Variants in TP73 observed in about 807,000 individuals in gnomAD.
TP73 encodes tumor protein p73, also known as p53-like transcription factor.
TP73 carries 25 observed loss-of-function variants against 62.5 expected under a neutral mutation model. That is an observed-to-expected ratio of 0.40 (90% CI 0.29 to 0.56). The LOEUF (loss-of-function observed/expected upper bound fraction) is 0.56, where lower values mean the gene tolerates loss of function less well. Ranked by LOEUF, TP73 falls within the 20% of genes least tolerant of loss-of-function variation. The pLI is 0.46. For missense variants in TP73, 754 were observed against 913.3 expected (o/e 0.83, Z 2.25); for synonymous variants, 423 against 377.5 (o/e 1.12, Z -1.40).
chr1:3,695,545 G>A (rs530772660), intron 3 of TP73, among the ~76,000 whole-genome samples: 1 of 152,354 alleles, frequency 6.6e-6, no homozygotes, highest in South Asian at 2.1e-4. Flanking sequence ...GAGCAGCACG[G>A]ACGGATCTGG....
At chr1:3,687,123 C>T (rs1274987465) in intron 3 of TP73, among the ~76,000 whole-genome samples, 2 of 152,184 alleles carry the variant, frequency 1.3e-5, no homozygotes, top group Non-Finnish European at 2.9e-5. Context: ...CTCTGGCTGT[C>T]CCTGAAGACC....
At chr1:3,682,154 C>T (rs779481643) in intron 1 of TP73, among the ~76,000 whole-genome samples, 179 bp from the exon 2 acceptor site, 8 of 152,216 alleles carry the variant, frequency 5.3e-5, no homozygotes, top group African/African-American at 1.9e-4. Flanking sequence ...GGTTTCCAGC[C>T]GCGGGGAACA....
At chr1:3,714,892 G>C (rs1640463396) in intron 4 of TP73, among the ~76,000 whole-genome samples, 1 of 152,254 alleles carries the variant, frequency 6.6e-6, no homozygotes, top group Non-Finnish European at 1.5e-5. Context: ...AATAAGAGCA[G>C]ATGGAGTTCC....
intron 1 of TP73, among the ~76,000 whole-genome samples, chr1:3,661,765 CTATA>C (rs1226881437): frequency 2.8e-5 from 4 of 143,918 alleles, no homozygotes; most frequent in African/African-American, 1.0e-4. Context: ...TATACATACA[CTATA>C]TATAATATGT....
chr1:3,662,591 A>G lies in TP73; in HGVS notation c.-34+9950A>G, dbSNP rs1645021204. Reference sequence around the variant, plus strand: ...TGGAAATGTCTTTCATTTCTCTCCCAGACAGGCAGCTGGGCAGAGCCACTC... The same window carrying G: ...TGGAAATGTCTTTCATTTCTCTCCCGGACAGGCAGCTGGGCAGAGCCACTC... On this transcript the variant is annotated intron_variant, in intron 1 of 13. Transcript: ENST00000378295. The surrounding 1 kb of genome is among the most constrained non-coding windows in gnomAD (Gnocchi z 4.4). Among the ~76,000 whole-genome samples the G allele has an allele frequency of 6.6e-6, 1 of 152,198 alleles. No individual in the cohort carries two copies. Among genetic ancestry groups the G allele is most frequent in the African/African-American group, 2.4e-5 (1 of 41,460 alleles).
At chr1:3,717,756 C>T (rs887169186) in intron 4 of TP73, among the ~76,000 whole-genome samples, 1 of 152,132 alleles carries the variant, frequency 6.6e-6, no homozygotes, top group Admixed American at 6.5e-5. Flanking sequence ...TCTCTCAGGG[C>T]TCCCTTCCCT....
intron 1 of TP73, among the ~76,000 whole-genome samples, chr1:3,667,253 G>T (rs554229451): frequency 5.9e-5 from 9 of 152,300 alleles, no homozygotes; most frequent in Non-Finnish European, 1.2e-4. Flanking sequence ...GTATTCTCCC[G>T]GGGTCTCCAG....
At chr1:3,695,739 G>GT (rs1401708387) in intron 3 of TP73, among the ~76,000 whole-genome samples, 3 of 152,264 alleles carry the variant, frequency 2.0e-5, no homozygotes, top group African/African-American at 2.4e-5. Flanking sequence ...CGGAACCAAG[G>GT]GACGCAGCTG....
At chr1:3,698,611 G>A (rs1442047502) in intron 3 of TP73, among the ~76,000 whole-genome samples, 3 of 152,188 alleles carry the variant, frequency 2.0e-5, no homozygotes, top group African/African-American at 7.2e-5. Flanking sequence ...GGGTCTGGGG[G>A]AGGAGGCGGC....
intron 4 of TP73, among the ~76,000 whole-genome samples, chr1:3,718,536 C>T (rs1640802214): frequency 6.6e-6 from 1 of 151,828 alleles, no homozygotes; most frequent in Non-Finnish European, 1.5e-5. Flanking sequence ...GGACTATGGC[C>T]GGGGGTGCTG....
In TP73 at chr1:3,701,944, C is replaced by G. The variant is rs1338764485; in HGVS notation, c.187-5605C>G. Among the ~76,000 whole-genome samples the G allele has an allele frequency of 6.6e-6, 1 of 152,302 alleles. No homozygotes were observed. The highest frequency in any genetic ancestry group is 1.9e-4 in the East Asian group (1 of 5,166). On this transcript the variant is annotated intron_variant, in intron 3 of 13. Transcript: ENST00000378295. This position sits in a 1 kb window ranked among gnomAD's most constrained non-coding sequence, Gnocchi z 4.7. ...TGACCTCAGAGCCCTGCTTGGCCCC[C>G]CAGGTCCCTGGGAGGTCTCTCCTGC...
At chr1:3,683,221 G>T in intron 3 of TP73, 41 bp downstream of exon 3, 2 of 1,569,738 alleles carry the variant, frequency 1.3e-6, no homozygotes, top group Non-Finnish European at 1.7e-6. Context: ...ACTGGAGTGG[G>T]GACAACAAAT....
At chr1:3,681,812 A>G (rs1645528332) in intron 1 of TP73, among the ~76,000 whole-genome samples, 1 of 152,030 alleles carries the variant, frequency 6.6e-6, no homozygotes, top group South Asian at 2.1e-4. Context: ...GAGACCCCAA[A>G]CCTGGCTGCA....
intron 3 of TP73, among the ~76,000 whole-genome samples, chr1:3,703,697 C>T (rs971673219): frequency 2.0e-5 from 3 of 152,234 alleles, no homozygotes; most frequent in African/African-American, 7.2e-5. Flanking sequence ...GAGGCATGGG[C>T]TTTTTGCCCC....
intron 6 of TP73, among the ~76,000 whole-genome samples, chr1:3,726,696 TTGGATGGGGTGGGTGGA>T (rs1454783012): frequency 9.6e-6 from 1 of 104,338 alleles, no homozygotes; most frequent in East Asian, 4.4e-4. Flanking sequence ...GGATGGATGG[TTGGATGGGGTGGGTGGA>T]TGGATGGGGT....
intron 3 of TP73, chr1:3,690,714 A>G: frequency 7.0e-7 from 1 of 1,430,956 alleles, no homozygotes; most frequent in East Asian, 2.5e-5. Context: ...GGGAAAAGCG[A>G]AAATGCCAAC....
At chr1:3,664,132 C>T (rs1645059844) in intron 1 of TP73, among the ~76,000 whole-genome samples, 2 of 152,244 alleles carry the variant, frequency 1.3e-5, no homozygotes, top group Non-Finnish European at 2.9e-5. Flanking sequence ...TGCAGCCCCT[C>T]TGCCCTGCCA....
Position 3,670,941 on chromosome 1 carries a change from T to A in TP73, c.-33-11392T>A, listed in dbSNP as rs3765696. On this transcript the variant is annotated intron_variant, in intron 1 of 13. Transcript: ENST00000378295. This position sits in a 1 kb window ranked among gnomAD's most constrained non-coding sequence, Gnocchi z 5.9. The stretch of plus-strand genomic sequence containing the variant: ...TGGTCTGGCCCGCAAAGAGTCAGCA[T>A]GTGAATGTCTCTCCATGCGATGGGT... Among the ~76,000 whole-genome samples, 1 of 152,242 alleles carries A rather than the reference T, an allele frequency of 6.6e-6. No homozygotes were observed. The highest frequency in any genetic ancestry group is 2.1e-4 in the South Asian group (1 of 4,830).
At chr1:3,680,275 A>G (rs1357879698) in intron 1 of TP73, among the ~76,000 whole-genome samples, 1 of 152,136 alleles carries the variant, frequency 6.6e-6, no homozygotes, top group Non-Finnish European at 1.5e-5. Flanking sequence ...GCTTGCTGGC[A>G]CCACATCTCC....
Sources: gnomAD v4.1 joint callset for allele counts (sites outside exome capture counted in the v4.1 genomes callset) on GRCh38, gnomAD v4.1.1 for gene constraint, Gnocchi (gnomAD v3.1) non-coding constraint, MANE v1.5 for transcripts, NCBI Gene and HGNC (gene_info 2026-07-23, HGNC 2026-07-21) for gene names.